The following CTNNA2 variants were observed in gnomAD, a reference collection of about 807,000 sequenced individuals.
CTNNA2 encodes catenin alpha 2.
In CTNNA2, 42 loss-of-function variants were observed where a neutral mutation model predicts 101.0. That is an observed-to-expected ratio of 0.42 (90% CI 0.32 to 0.54). The LOEUF is 0.54. CTNNA2 is among the 20% of genes least tolerant of loss of function. CTNNA2 has a pLI of 0.14. For synonymous variants in CTNNA2, 450 were observed against 456.4 expected (o/e 0.99, Z 0.18); for missense variants, 871 against 1,223.1 (o/e 0.71, Z 4.29).
chr2:80,034,601 G>A (rs538431425), intron 7 of CTNNA2, among the ~76,000 whole-genome samples: 13 of 152,126 alleles, frequency 8.5e-5, no homozygotes, highest in East Asian at 1.9e-4. Flanking sequence ...TGATCCGCCC[G>A]CTTCTGCCTC....
chr2:79,394,660 G>A (rs777007856), intron 4 of CTNNA2, among the ~76,000 whole-genome samples: 3 of 152,122 alleles, frequency 2.0e-5, no homozygotes, highest in African/African-American at 4.8e-5. Flanking sequence ...TTCTGACCCT[G>A]CAGGACATCA....
At chr2:80,065,791 TATC>T (rs1217970063) in intron 7 of CTNNA2, among the ~76,000 whole-genome samples, 33 of 152,326 alleles carry the variant, frequency 2.2e-4, no homozygotes, top group African/African-American at 7.9e-4. Flanking sequence ...TCATCTTCAT[TATC>T]ATCATTCTAG....
At chr2:80,254,227 T>C (rs1671970359) in intron 7 of CTNNA2, among the ~76,000 whole-genome samples, 1 of 152,166 alleles carries the variant, frequency 6.6e-6, no homozygotes, top group Non-Finnish European at 1.5e-5. Flanking sequence ...CTGTTTCATC[T>C]GTTTTGACTC....
intron 7 of CTNNA2, among the ~76,000 whole-genome samples, chr2:80,195,704 A>G (rs919826752): frequency 6.6e-6 from 1 of 152,060 alleles, no homozygotes; most frequent in African/African-American, 2.4e-5. Flanking sequence ...TTGAAAACAA[A>G]CAAGTAGAAA....
intron 4 of CTNNA2, among the ~76,000 whole-genome samples, chr2:79,446,898 ACTGTTTAATTTTC>A (rs1379612399): frequency 2.0e-5 from 3 of 151,964 alleles, no homozygotes; most frequent in Non-Finnish European, 1.5e-5. Context: ...TTTTTTAGCT[ACTGTTTAATTTTC>A]CTCCAAATGT....
At chr2:80,391,660 C>T (rs2149364615) in intron 7 of CTNNA2, among the ~76,000 whole-genome samples, 1 of 152,312 alleles carries the variant, frequency 6.6e-6, no homozygotes, top group East Asian at 1.9e-4. Context: ...GAATTTGTGG[C>T]AGATCTGAAC....
intron 9 of CTNNA2, among the ~76,000 whole-genome samples, chr2:80,516,931 C>G (rs1279898286): frequency 6.6e-6 from 1 of 152,178 alleles, no homozygotes; most frequent in African/African-American, 2.4e-5. Flanking sequence ...TTCTTTGCTT[C>G]ATTCCTCTCA....
At chr2:79,888,194 A>G (rs187516635) in intron 6 of CTNNA2, among the ~76,000 whole-genome samples, 146 of 152,246 alleles carry the variant, frequency 9.6e-4, no homozygotes, top group East Asian at 4.3e-3. Flanking sequence ...AATACATGTG[A>G]GCTTATAGGA....
chr2:79,529,279 G>C (rs1672599598), intron 1 of CTNNA2, among the ~76,000 whole-genome samples: 1 of 152,172 alleles, frequency 6.6e-6, no homozygotes, highest in African/African-American at 2.4e-5. Flanking sequence ...ATCTGAATGT[G>C]AGATTCAGGA....
chr2:80,124,186 G>C (rs912916178), intron 7 of CTNNA2, among the ~76,000 whole-genome samples: 3 of 152,132 alleles, frequency 2.0e-5, no homozygotes, highest in Non-Finnish European at 2.9e-5. Flanking sequence ...GGCATGTCAT[G>C]TTCCTTTTTG....
intron 12 of CTNNA2, among the ~76,000 whole-genome samples, chr2:80,561,827 A>ATTTT (rs368503035): frequency 1.5e-4 from 18 of 123,562 alleles, no homozygotes; most frequent in African/African-American, 3.0e-4. Context: ...CGCCTGGCTA[A>ATTTT]TTTTTTTTTT....
chr2:79,666,670 G>T (rs564498939), intron 2 of CTNNA2, among the ~76,000 whole-genome samples: 1 of 152,268 alleles, frequency 6.6e-6, no homozygotes, highest in African/African-American at 2.4e-5. Flanking sequence ...AATTCTTTTT[G>T]CATTGAGACT....
intron 3 of CTNNA2, among the ~76,000 whole-genome samples, chr2:79,851,444 C>T (rs1574130993): frequency 1.3e-5 from 2 of 152,122 alleles, no homozygotes; most frequent in African/African-American, 4.8e-5. Context: ...TGAGCTCAAT[C>T]GGGATGCACA....
At chr2:80,176,165 C>T (rs1411773812) in intron 7 of CTNNA2, among the ~76,000 whole-genome samples, 1 of 152,198 alleles carries the variant, frequency 6.6e-6, no homozygotes, top group Non-Finnish European at 1.5e-5. Flanking sequence ...AACCCATACA[C>T]ATCTTTTGAA....
At chr2:79,236,362 G>A (rs1674557874) in intron 2 of CTNNA2, among the ~76,000 whole-genome samples, 2 of 152,080 alleles carry the variant, frequency 1.3e-5, no homozygotes, top group South Asian at 4.1e-4. Context: ...TCAAATCCTT[G>A]TCTCAAGCAA....
chr2:79,213,411 G>A (rs1208347042), intron 2 of CTNNA2, among the ~76,000 whole-genome samples: 3 of 152,194 alleles, frequency 2.0e-5, no homozygotes, highest in Admixed American at 2.0e-4. Context: ...TTTAGAGTCA[G>A]TATAAATATT....
chr2:79,534,623 C>G (rs1182863240), intron 1 of CTNNA2, among the ~76,000 whole-genome samples: 2 of 151,798 alleles, frequency 1.3e-5, no homozygotes, highest in Non-Finnish European at 2.9e-5. Context: ...CTACTCTTAA[C>G]CCATGATCAC....
At chr2:79,266,657 A>G (rs1674991017) in intron 2 of CTNNA2, among the ~76,000 whole-genome samples, 1 of 152,124 alleles carries the variant, frequency 6.6e-6, no homozygotes, top group South Asian at 2.1e-4. Flanking sequence ...AAGTGAAGAT[A>G]AAGATAACCA....
intron 17 of CTNNA2, among the ~76,000 whole-genome samples, chr2:80,614,360 G>A (rs1411954974): frequency 4.0e-5 from 6 of 151,468 alleles, no homozygotes; most frequent in African/African-American, 1.5e-4. Context: ...TAATATTTAT[G>A]TAACATTTGC....
Sources: allele counts gnomAD v4.1 joint callset (sites outside exome capture counted in the v4.1 genomes callset), GRCh38; gene constraint gnomAD v4.1.1; transcripts MANE v1.5; gene names NCBI Gene and HGNC (gene_info 2026-07-23, HGNC 2026-07-21).